METTL15: variants seen among roughly 807,000 people sequenced by gnomAD.
The protein encoded by METTL15 is methyltransferase 15, mitochondrial 12S rRNA N4-cytidine, also known as 12S rRNA N(4)-cytidine methyltransferase METTL15.
A neutral mutation model predicts 38.3 loss-of-function variants in METTL15; 34 were observed. That is an observed-to-expected ratio of 0.89 (90% confidence interval 0.68 to 1.18). METTL15 has a LOEUF of 1.18. Among genes scored for constraint, METTL15 ranks in the 50% most tolerant of loss-of-function variants. METTL15 has a pLI of 0.00. For missense variants in METTL15, 438 were observed against 498.4 expected (o/e 0.88, Z 1.15); for synonymous variants, 162 against 170.9 (o/e 0.95, Z 0.41).
chr11:28,263,260 A>G (rs557082206), intron 4 of METTL15, among the ~76,000 whole-genome samples: 2 of 152,104 alleles, frequency 1.3e-5, no homozygotes, highest in Non-Finnish European at 2.9e-5. Context: ...CTTATTAGCT[A>G]TAGCCACTTC....
intron 3 of METTL15, among the ~76,000 whole-genome samples, chr11:28,178,243 A>G (rs1405706453): frequency 6.6e-6 from 1 of 151,938 alleles, no homozygotes; most frequent in East Asian, 1.9e-4. Flanking sequence ...TTTAGGTGGC[A>G]ATATATCATT....
At chr11:28,243,667 TATAAAGTA>T (rs1409184047) in intron 4 of METTL15, among the ~76,000 whole-genome samples, 1 of 152,166 alleles carries the variant, frequency 6.6e-6, no homozygotes, top group African/African-American at 2.4e-5. Context: ...GATAGCACTG[TATAAAGTA>T]TATGACAAAT....
At chr11:28,211,342 A>C in intron 4 of METTL15, 144 bp downstream of exon 4, 1 of 641,044 alleles carries the variant, frequency 1.6e-6, no homozygotes, top group South Asian at 3.5e-5. Context: ...AAAAGAATTA[A>C]TGTAAGTGAT....
At chr11:28,114,492 C>A (rs1851858935) in intron 3 of METTL15, among the ~76,000 whole-genome samples, 1 of 152,160 alleles carries the variant, frequency 6.6e-6, no homozygotes. Flanking sequence ...GCTCTGTCAC[C>A]TAAGCTGGAG....
At chr11:28,521,261 G>C (rs1452661821) in intron 6 of METTL15, among the ~76,000 whole-genome samples, 1 of 152,146 alleles carries the variant, frequency 6.6e-6, no homozygotes, top group Non-Finnish European at 1.5e-5. Flanking sequence ...GTTTTATTGT[G>C]TCTTGGACAT....
In METTL15 at chr11:28,318,475, G is replaced by A. The variant is rs72878321; in HGVS notation, c.779-11921G>A. Reference sequence around the variant, plus strand: ...GGAGGCATTCTAGGCCGAAGGAACGGTATGTGCAGAAGCACAGAAATGAGA... The same window carrying A: ...GGAGGCATTCTAGGCCGAAGGAACGATATGTGCAGAAGCACAGAAATGAGA... On this transcript the variant is annotated intron_variant, in intron 6 of 6. Coordinates refer to ENST00000407364, the MANE Select transcript of METTL15 (RefSeq NM_001113528.2). Among the ~76,000 whole-genome samples, 571 of 152,266 alleles carry A rather than the reference G, an allele frequency of 3.8e-3. 2 individuals are homozygous for A. Among genetic ancestry groups the A allele is most frequent in the Non-Finnish European group, 5.9e-3 (399 of 68,014 alleles).
chr11:28,168,191 G>T (rs576581513), intron 3 of METTL15, among the ~76,000 whole-genome samples: 1 of 151,480 alleles, frequency 6.6e-6, no homozygotes, highest in South Asian at 2.1e-4. Flanking sequence ...CTATATTCAG[G>T]CATGGATGTT....
At chr11:28,139,886 A>C (rs1168389957) in intron 3 of METTL15, among the ~76,000 whole-genome samples, 1 of 152,240 alleles carries the variant, frequency 6.6e-6, no homozygotes, top group African/African-American at 2.4e-5. Flanking sequence ...AGCTCTATGC[A>C]AATGGGTTCC....
At chr11:28,301,231 A>G (rs1219243161) in intron 6 of METTL15, among the ~76,000 whole-genome samples, 1 of 151,958 alleles carries the variant, frequency 6.6e-6, no homozygotes, top group African/African-American at 2.4e-5. Flanking sequence ...CAGGCCTTGG[A>G]TGTCCTTCTG....
intron 3 of METTL15, among the ~76,000 whole-genome samples, chr11:28,127,097 G>A (rs1852519489): frequency 1.3e-5 from 2 of 152,134 alleles, no homozygotes; most frequent in African/African-American, 4.8e-5. Flanking sequence ...GATGGTGCAA[G>A]ATGAGGCTGG....
At chr11:28,260,934 G>A (rs1435728687) in intron 4 of METTL15, among the ~76,000 whole-genome samples, 1 of 152,162 alleles carries the variant, frequency 6.6e-6, no homozygotes, top group Non-Finnish European at 1.5e-5. Context: ...TTGGTTGGTA[G>A]TTACTGTACC....
chr11:28,308,474 C>A (rs927402940), intron 6 of METTL15, among the ~76,000 whole-genome samples: 1 of 151,916 alleles, frequency 6.6e-6, no homozygotes, highest in African/African-American at 2.4e-5. Context: ...GCTGTGTAAC[C>A]CATTTGTTAA....
intron 2 of METTL15, 64 bp from the exon 3 acceptor site, chr11:28,113,254 T>C: frequency 1.8e-6 from 2 of 1,116,802 alleles, no homozygotes; most frequent in South Asian, 3.3e-5. Flanking sequence ...AATTTGATTT[T>C]CCCCAAGTAT....
chr11:28,480,443 T>C (rs1376320518), intron 6 of METTL15, among the ~76,000 whole-genome samples: 1 of 152,204 alleles, frequency 6.6e-6, no homozygotes, highest in Non-Finnish European at 1.5e-5. Flanking sequence ...GATGTTGTTT[T>C]TAATGTTTCT....
chr11:28,516,764 C>G (rs1489828557), intron 6 of METTL15: 1 of 152,082 alleles, frequency 6.6e-6, no homozygotes, highest in Non-Finnish European at 1.5e-5. Flanking sequence ...TGTGATGACA[C>G]TTGAGTTATG....
chr11:28,486,151 G>C (rs1851437845), intron 6 of METTL15, among the ~76,000 whole-genome samples: 1 of 152,170 alleles, frequency 6.6e-6, no homozygotes, highest in Non-Finnish European at 1.5e-5. Context: ...TTAACACTTA[G>C]AGGTGGTAAT....
chr11:28,493,705 A>G (rs1851514934), intron 6 of METTL15, among the ~76,000 whole-genome samples: 1 of 152,228 alleles, frequency 6.6e-6, no homozygotes, highest in Non-Finnish European at 1.5e-5. Flanking sequence ...GTTCAAGGTC[A>G]GAATCTGAAT....
At position 28,196,993 on chromosome 11, in the gene METTL15, C is replaced by T. The variant is rs138071689; in HGVS notation, c.271-14069C>T. On this transcript the variant is annotated intron_variant, in intron 3 of 6. Transcript: ENST00000407364. ...CAAAGTCTTTTAAAGTATTAGTATC[C>T]GAGAAAGAAAAGTAATATTTACATT... Among the ~76,000 whole-genome samples the T allele has an allele frequency of 3.5e-3, 521 of 150,968 alleles. 7 individuals carry two copies. Among genetic ancestry groups the T allele is most frequent in the African/African-American group, 0.012 (490 of 41,086 alleles).
At chr11:28,156,510 T>G (rs1850271529) in intron 3 of METTL15, among the ~76,000 whole-genome samples, 1 of 152,138 alleles carries the variant, frequency 6.6e-6, no homozygotes, top group South Asian at 2.1e-4. Flanking sequence ...TTCAAATAGA[T>G]AAATATATTT....
Sources: gnomAD v4.1 joint callset for allele counts (sites outside exome capture counted in the v4.1 genomes callset) on GRCh38, gnomAD v4.1.1 for gene constraint, MANE v1.5 for transcripts, NCBI Gene and HGNC (gene_info 2026-07-23, HGNC 2026-07-21) for gene names.